The following ABCC2 variants were observed in gnomAD, a reference collection of about 807,000 sequenced individuals.
The protein encoded by ABCC2 is ATP binding cassette subfamily C member 2, also known as ATP-binding cassette sub-family C member 2.
ABCC2 carries 157 observed loss-of-function variants against 173.4 expected under a neutral mutation model. The observed-to-expected ratio is 0.91, with a 90% confidence interval of 0.80 to 1.03. The LOEUF is 1.03. Among genes scored for constraint, ABCC2 ranks in the 50% least tolerant of loss-of-function variants. The pLI is 0.00. For synonymous variants in ABCC2, 657 were observed against 693.5 expected, an observed-to-expected ratio of 0.95 and a Z score of 0.83; for missense variants, 1,822 against 1,852.3, an observed-to-expected ratio of 0.98 and a Z score of 0.30.
chr10:99,817,381 CAG>C lies in ABCC2; in HGVS notation c.2171_2172del (p.Glu724ValfsTer2), dbSNP rs2038440248. 1.2e-6 allele frequency: 2 copies of C among 1,613,998 alleles called. No homozygotes were observed. The highest frequency in any genetic ancestry group is 3.3e-5 in the Admixed American group (2 of 60,000). On this transcript the variant is annotated frameshift_variant, in exon 17 of 32. Coordinates refer to ENST00000647814, the MANE Select transcript of ABCC2 (RefSeq NM_000392.5). LOFTEE classifies it high-confidence loss of function. ...ATAAAGGACAACATCCTTTTTGGAA[CAG>C]AGTTTAATGAAAAGAGGTACCAGCA...
intron 2 of ABCC2, among the ~76,000 whole-genome samples, chr10:99,789,651 G>T (rs2037778312): frequency 7.0e-6 from 1 of 143,594 alleles, no homozygotes; most frequent in East Asian, 2.1e-4. Context: ...GGAGGCGGAG[G>T]TTGCAGTGAG....
At chr10:99,811,929 A>G (rs958204736) in intron 15 of ABCC2, among the ~76,000 whole-genome samples, 6 of 152,202 alleles carry the variant, frequency 3.9e-5, no homozygotes, top group African/African-American at 1.4e-4. Flanking sequence ...GTATGGTAGA[A>G]GACAAACCCA....
At chr10:99,791,289 T>A (rs1308536244) in intron 2 of ABCC2, among the ~76,000 whole-genome samples, 2 of 152,084 alleles carry the variant, frequency 1.3e-5, no homozygotes, top group Admixed American at 6.6e-5. Flanking sequence ...ACACTTGTAA[T>A]CCCAGCTACT....
intron 25 of ABCC2, among the ~76,000 whole-genome samples, chr10:99,836,544 T>C (rs2038827214): frequency 6.6e-6 from 1 of 152,234 alleles, no homozygotes; most frequent in African/African-American, 2.4e-5. Flanking sequence ...TCTTTGTTTT[T>C]GTAATGGCCA....
chr10:99,844,242 C>T lies in ABCC2; in HGVS notation c.3844-80C>T, dbSNP rs1050971943. 83 of 1,563,604 alleles carry T rather than the reference C, an allele frequency of 5.3e-5. 1 individual carries two copies. The Admixed American group carries it at 1.4e-3, about 26-fold the overall frequency. On this transcript the variant is annotated intron_variant, in intron 27 of 31. Coordinates refer to ENST00000647814, the MANE Select transcript of ABCC2 (RefSeq NM_000392.5). Reference sequence around the variant, plus strand: ...GGGACACTGCTACCCTTCTCCTGTTCTATGACACGAGTCCTGGGTGGACTG... The same window carrying T: ...GGGACACTGCTACCCTTCTCCTGTTTTATGACACGAGTCCTGGGTGGACTG...
chr10:99,830,498 T>C, intron 20 of ABCC2, 65 bp downstream of exon 20: 3 of 1,611,706 alleles, frequency 1.9e-6, no homozygotes, highest in Non-Finnish European at 2.5e-6. Flanking sequence ...TTTTTCTTTT[T>C]CTTCCTGGGC....
intron 27 of ABCC2, 61 bp downstream of exon 27, chr10:99,843,961 G>A: frequency 7.5e-7 from 1 of 1,329,980 alleles, no homozygotes; most frequent in Admixed American, 1.7e-5. Context: ...TCCTTCGAGA[G>A]TGCATCTTTA....
At chr10:99,851,284 T>C (rs1295551881) in intron 31 of ABCC2, among the ~76,000 whole-genome samples, 1 of 152,240 alleles carries the variant, frequency 6.6e-6, no homozygotes, top group East Asian at 1.9e-4. Context: ...CTCATGTAAA[T>C]GGACTCATAC....
In ABCC2 at chr10:99,797,141, T is replaced by A. The variant is rs1382048442; in HGVS notation, c.677T>A (p.Val226Asp). The A allele has an allele frequency of 1.2e-6, 2 of 1,614,162 alleles. No homozygotes were observed. Among genetic ancestry groups the A allele is most frequent in the Middle Eastern group, 3.3e-4 (2 of 6,060 alleles). Residue 226 changes from valine (V) to aspartate (D), a missense_variant, in exon 7 of 32, where the codon GTC becomes GAC. Coordinates refer to ENST00000647814, the MANE Select transcript of ABCC2 (RefSeq NM_000392.5). ...GYKRPLTLED[V>D]WEVDEEMKTK... ...AAGCGTCCTCTGACACTCGAGGATGTCTGGGAAGTTGATGAAGAGATGAAA... is the reference window on the plus strand; with the variant it reads ...AAGCGTCCTCTGACACTCGAGGATGACTGGGAAGTTGATGAAGAGATGAAA...
At position 99,805,501 on chromosome 10, in the gene ABCC2, C is replaced by T. The variant is rs547379048; in HGVS notation, c.1530+54C>T. The T allele has an allele frequency of 1.9e-5, 29 of 1,564,948 alleles. No individual in the cohort carries two copies. The Admixed American group carries it at 3.7e-4, about 20-fold the overall frequency. On this transcript the variant is annotated intron_variant, in intron 11 of 31. Coordinates refer to ENST00000647814, the MANE Select transcript of ABCC2 (RefSeq NM_000392.5). The stretch of plus-strand genomic sequence containing the variant: ...GTGGGTAAGGACAGAAGCAGTGGCT[C>T]TCTTGGCCTTTGCAAACCCTGGTAG...
At chr10:99,813,278 G>A in intron 16 of ABCC2, 134 bp downstream of exon 16, 1 of 1,234,196 alleles carries the variant, frequency 8.1e-7, no homozygotes, top group Non-Finnish European at 1.1e-6. Flanking sequence ...TGTGGACTGT[G>A]ATTCTCCTTC....
intron 6 of ABCC2, among the ~76,000 whole-genome samples, chr10:99,795,717 AG>A: frequency 6.7e-6 from 1 of 149,444 alleles, no homozygotes; most frequent in Non-Finnish European, 1.5e-5. Context: ...AGAGAGAGAG[AG>A]AGAAGAAAGA....
chr10:99,832,258 T>C, intron 23 of ABCC2, 127 bp downstream of exon 23: 1 of 1,257,682 alleles, frequency 8.0e-7, no homozygotes, highest in South Asian at 1.3e-5. Flanking sequence ...AACATGCAAG[T>C]GTTTCTTGAG....
At position 99,818,791 on chromosome 10, in the gene ABCC2, G is replaced by T. The variant is rs786205465; in HGVS notation, c.2273G>T (p.Gly758Val). The change falls in exon 18 of 32, where the codon GGT (glycine) becomes GTT (valine). Residue 758 changes from glycine to valine, a missense_variant and splice_region_variant. Physicochemically the swap from Gly to Val is moderately radical, Grantham distance 109. Transcript: ENST00000647814. ...GGDLAEIGEK[G>V]INLSGGQKQR... ...AATATGAATTATTTTCTTCTTCAGG[G>T]TATAAATCTTAGTGGGGGTCAGAAG... The T allele has an allele frequency of 6.2e-7, 1 of 1,614,034 alleles. No individual in the cohort carries two copies. Among genetic ancestry groups the T allele is most frequent in the Non-Finnish European group, 8.5e-7 (1 of 1,180,022 alleles).
chr10:99,827,789 TTTTAA>T (rs2038670346), intron 19 of ABCC2, among the ~76,000 whole-genome samples: 1 of 149,898 alleles, frequency 6.7e-6, no homozygotes, highest in Admixed American at 6.7e-5. Context: ...GCATATTTAC[TTTTAA>T]TTTTACTTTT....
intron 30 of ABCC2, among the ~76,000 whole-genome samples, chr10:99,849,550 C>T (rs1044234749): frequency 6.6e-6 from 1 of 152,220 alleles, no homozygotes; most frequent in African/African-American, 2.4e-5. Context: ...ACTTACATTT[C>T]TCTGTTGAAT....
chr10:99,813,561 CA>C (rs916193054), intron 16 of ABCC2, among the ~76,000 whole-genome samples: 1 of 151,956 alleles, frequency 6.6e-6, no homozygotes, highest in Admixed American at 6.6e-5. Flanking sequence ...ACTAAAAATA[CA>C]AAATTAGCCG....
At chr10:99,799,935 C>A (rs2037984552) in intron 8 of ABCC2, among the ~76,000 whole-genome samples, 2 of 152,194 alleles carry the variant, frequency 1.3e-5, no homozygotes, top group Admixed American at 1.3e-4. Flanking sequence ...GACATGGTGG[C>A]TCATGACTGT....
At chr10:99,807,336 C>G (rs763312369) in intron 11 of ABCC2, 48 bp from the exon 12 acceptor site, 2 of 1,612,946 alleles carry the variant, frequency 1.2e-6, no homozygotes, top group African/African-American at 1.3e-5. Context: ...ACACCTGGTG[C>G]CCTTTCAGGG....
Sources: allele counts gnomAD v4.1 joint callset (sites outside exome capture counted in the v4.1 genomes callset), GRCh38; gene constraint gnomAD v4.1.1; transcripts MANE v1.5; gene names NCBI Gene and HGNC (gene_info 2026-07-23, HGNC 2026-07-21).